ABI3BP: variants seen among roughly 807,000 people sequenced by gnomAD.
The protein encoded by ABI3BP is target of Nesh-SH3.
In ABI3BP, 216 loss-of-function variants were observed where a neutral mutation model predicts 268.6. That is an observed-to-expected ratio of 0.80 (90% confidence interval 0.72 to 0.90). The LOEUF (loss-of-function observed/expected upper bound fraction) is 0.90, where lower values mean the gene tolerates loss of function less well. Among genes scored for constraint, ABI3BP ranks in the 40% least tolerant of loss-of-function variants. The pLI, the probability that ABI3BP is intolerant of heterozygous loss-of-function variation, is 0.00. For synonymous variants in ABI3BP, 730 were observed against 730.0 expected, an observed-to-expected ratio of 1.00 and a Z score of 0.00; for missense variants, 2,090 against 2,182.4, an observed-to-expected ratio of 0.96 and a Z score of 0.84.
intron 55 of ABI3BP, 88 bp downstream of exon 55, chr3:100,792,603 T>C (rs1336217663): frequency 1.5e-6 from 2 of 1,366,658 alleles, no homozygotes; most frequent in Non-Finnish European, 1.0e-6. Flanking sequence ...TCCACTGTGT[T>C]GAGAAATGAC....
At chr3:100,857,166 G>GT (rs11389917) in intron 14 of ABI3BP, among the ~76,000 whole-genome samples, 62,605 of 151,860 alleles carry the variant, frequency 0.41, 14,624 homozygotes, top group African/African-American at 0.65. Context: ...TGAGCTTAGA[G>GT]TTTTTTCTTC....
intron 55 of ABI3BP, among the ~76,000 whole-genome samples, chr3:100,791,141 T>C (rs141619904): frequency 2.1e-3 from 323 of 152,004 alleles, no homozygotes; most frequent in African/African-American, 7.3e-3. Flanking sequence ...TGTACAAATA[T>C]GTTAAGACAA....
intron 60 of ABI3BP, 98 bp downstream of exon 60, chr3:100,775,109 A>G: frequency 1.4e-6 from 2 of 1,396,742 alleles, no homozygotes; most frequent in East Asian, 2.4e-5. Context: ...GGAGTAAAAT[A>G]GAAGACCTCA....
chr3:100,983,964 A>G (rs1478619883), intron 1 of ABI3BP, among the ~76,000 whole-genome samples: 1 of 152,216 alleles, frequency 6.6e-6, no homozygotes, highest in Non-Finnish European at 1.5e-5. Context: ...AAAAGTAAAA[A>G]TCACTTTTAA....
At chr3:100,890,585 C>G (rs2044119831) in intron 4 of ABI3BP, among the ~76,000 whole-genome samples, 1 of 152,072 alleles carries the variant, frequency 6.6e-6, no homozygotes, top group Non-Finnish European at 1.5e-5. Flanking sequence ...TAGTACTTTT[C>G]TCTTAAACCT....
intron 14 of ABI3BP, 63 bp from the exon 15 acceptor site, chr3:100,852,003 A>C: frequency 2.2e-6 from 3 of 1,388,968 alleles, no homozygotes; most frequent in Non-Finnish European, 2.9e-6. Flanking sequence ...TGATTAATTT[A>C]GAAAGATTAC....
intron 32 of ABI3BP, among the ~76,000 whole-genome samples, chr3:100,830,106 CATACATATAT>C (rs1473671496): frequency 1.6e-3 from 126 of 76,938 alleles, no homozygotes; most frequent in African/African-American, 7.2e-3. Flanking sequence ...TACATACATA[CATACATATAT>C]ATATATATAT....
chr3:100,752,009 T>C (rs2095358575), intron 66 of ABI3BP, among the ~76,000 whole-genome samples: 1 of 152,252 alleles, frequency 6.6e-6, no homozygotes, highest in Non-Finnish European at 1.5e-5. Context: ...GTCTGGGCCA[T>C]ACTGGTGGAA....
At position 100,881,448 on chromosome 3, in the gene ABI3BP, T is replaced by C. The variant is rs192684575; in HGVS notation, c.696+4088A>G. Among the ~76,000 whole-genome samples the C allele has an allele frequency of 7.7e-4, 118 of 152,304 alleles. 1 individual carries two copies. Among genetic ancestry groups the C allele is most frequent in the African/African-American group, 2.8e-3 (116 of 41,568 alleles). On this transcript the variant is annotated intron_variant, in intron 6 of 67. Coordinates refer to ENST00000471714, the MANE Select transcript of ABI3BP (RefSeq NM_001375547.2). ...TCATATTTTTGGAGAACACTGATTC[T>C]AGGAAGATTTAGATTAAATAATTAA...
At chr3:100,959,489 CAAAA>C (rs35465693) in intron 1 of ABI3BP, among the ~76,000 whole-genome samples, 1 of 36,094 alleles carries the variant, frequency 2.8e-5, no homozygotes, top group Non-Finnish European at 4.9e-5. Flanking sequence ...GACTCCGTCT[CAAAA>C]AAAAAAAAAA....
intron 1 of ABI3BP, among the ~76,000 whole-genome samples, chr3:100,966,395 G>T (rs2081312393): frequency 6.6e-6 from 1 of 152,128 alleles, no homozygotes; most frequent in Non-Finnish European, 1.5e-5. Context: ...TATGGCCCAT[G>T]GGCCAAATCC....
chr3:100,783,845 G>A (rs1293098343), intron 57 of ABI3BP, among the ~76,000 whole-genome samples: 2 of 152,222 alleles, frequency 1.3e-5, no homozygotes, highest in Non-Finnish European at 2.9e-5. Flanking sequence ...GATTTGGCCT[G>A]TGGGGCTGTA....
At chr3:100,965,695 A>ATG (rs1156366749) in intron 1 of ABI3BP, among the ~76,000 whole-genome samples, 5 of 151,436 alleles carry the variant, frequency 3.3e-5, no homozygotes, top group African/African-American at 1.2e-4. Flanking sequence ...ATTGTAACAG[A>ATG]TGTGTGTGTG....
At chr3:100,807,000 T>A (rs2097727552) in intron 50 of ABI3BP, among the ~76,000 whole-genome samples, 1 of 152,092 alleles carries the variant, frequency 6.6e-6, no homozygotes, top group Non-Finnish European at 1.5e-5. Context: ...ACCTTAAACA[T>A]TTTTTACTGA....
chr3:100,975,971 C>T (rs1287073343), intron 1 of ABI3BP, among the ~76,000 whole-genome samples: 1 of 152,118 alleles, frequency 6.6e-6, no homozygotes, highest in African/African-American at 2.4e-5. Flanking sequence ...AAACTTCTTA[C>T]CCAATTTTTA....
At chr3:100,814,497 A>G (rs1038864561) in intron 44 of ABI3BP, among the ~76,000 whole-genome samples, 1 of 152,096 alleles carries the variant, frequency 6.6e-6, no homozygotes, top group Non-Finnish European at 1.5e-5. Context: ...ACTCTCTGTC[A>G]TCAGCCCACA....
At position 100,751,676 on chromosome 3, in the gene ABI3BP, T is replaced by G. The variant is rs779649987; in HGVS notation, c.5123-2A>C. ...GATCACCTATGTTATAAAATTTTCC[T>G]GAAGAACCAGAAATTAAAAGGATAA... On this transcript the variant is annotated splice_acceptor_variant, in intron 66 of 67. Coordinates refer to ENST00000471714, the MANE Select transcript of ABI3BP (RefSeq NM_001375547.2). LOFTEE classifies it high-confidence loss of function. The G allele has an allele frequency of 6.3e-7, 1 of 1,586,976 alleles. No homozygotes were observed. Among genetic ancestry groups the G allele is most frequent in the Non-Finnish European group, 8.6e-7 (1 of 1,167,622 alleles).
intron 1 of ABI3BP, among the ~76,000 whole-genome samples, chr3:100,988,922 C>T (rs2092449607): frequency 1.3e-5 from 2 of 152,198 alleles, no homozygotes; most frequent in African/African-American, 4.8e-5. Context: ...CACTCTGAGG[C>T]ACAATTTTAT....
intron 51 of ABI3BP, among the ~76,000 whole-genome samples, chr3:100,798,681 T>C (rs182277698): frequency 6.6e-6 from 1 of 152,290 alleles, no homozygotes; most frequent in East Asian, 1.9e-4. Context: ...GAATGCACAA[T>C]GTCTGTCATA....
Sources: allele counts gnomAD v4.1 joint callset (sites outside exome capture counted in the v4.1 genomes callset), GRCh38; gene constraint gnomAD v4.1.1; transcripts MANE v1.5; gene names NCBI Gene and HGNC (gene_info 2026-07-23, HGNC 2026-07-21).